The following PPM1B variants were observed in gnomAD, a reference collection of about 807,000 sequenced individuals.
PPM1B encodes protein phosphatase, Mg2+/Mn2+ dependent 1B.
In PPM1B, 22 loss-of-function variants were observed where a neutral mutation model predicts 43.0. The observed-to-expected ratio is 0.51, with a 90% CI of 0.37 to 0.73. The LOEUF is 0.73. PPM1B is among the 30% of genes least tolerant of loss of function. PPM1B has a pLI of 0.00. For synonymous variants in PPM1B, 217 were observed against 197.9 expected (o/e 1.10, Z -0.81); for missense variants, 632 against 584.2 (o/e 1.08, Z -0.84).
At chr2:44,211,938 G>T (rs1669489960) in intron 3 of PPM1B, among the ~76,000 whole-genome samples, 3 of 151,848 alleles carry the variant, frequency 2.0e-5, no homozygotes, top group Admixed American at 2.0e-4. Context: ...TAGTAGAGAG[G>T]GGGTTTCTCC....
Position 44,202,001 on chromosome 2 carries a change from C to A in PPM1B, c.802C>A (p.Leu268Met), listed in dbSNP as rs759842771. The change falls in exon 2 of 6, where the codon CTG (leucine) becomes ATG (methionine). Residue 268 changes from leucine (L) to methionine (M), a missense_variant. Leu to Met is a conservative substitution (Grantham distance 15, BLOSUM62 2). This residue lies in a region of PPM1B where 392 missense variants were observed against 302.7 expected (regional missense o/e 1.29). Coordinates refer to ENST00000282412, the MANE Select transcript of PPM1B (RefSeq NM_002706.6). ...VKSRLEVSDD[L>M]ENVCNWVVDT... ...ATCTAGGCTTGAGGTATCTGATGAC[C>A]TGGAAAATGTGTGCAATTGGGTAGT... is the stretch of plus-strand genomic sequence containing the variant. The A allele has an allele frequency of 1.1e-5, 17 of 1,609,544 alleles. No individual in the cohort carries two copies. Among genetic ancestry groups the A allele is most frequent in the Non-Finnish European group, 1.4e-5 (16 of 1,177,796 alleles).
At chr2:44,238,751 C>T (rs1222589766), downstream of PPM1B, among the ~76,000 whole-genome samples, 1 of 151,516 alleles carries the variant, frequency 6.6e-6, no homozygotes, top group African/African-American at 2.4e-5. Context: ...GCTACATAAA[C>T]ATTCTTAAGT....
intron 1 of PPM1B, among the ~76,000 whole-genome samples, chr2:44,169,628 C>T (rs536036366): frequency 6.6e-6 from 1 of 152,380 alleles, no homozygotes; most frequent in South Asian, 2.1e-4. Context: ...TACCCCAAGC[C>T]TTGGCGCTTC....
At chr2:44,233,740 T>G, downstream of PPM1B, 3 of 985,902 alleles carry the variant, frequency 3.0e-6, no homozygotes, top group Non-Finnish European at 3.6e-6. Context: ...CAGACAGCTT[T>G]CCTGATCATT....
intron 1 of PPM1B, among the ~76,000 whole-genome samples, chr2:44,193,878 A>G (rs537408593): frequency 2.1e-3 from 315 of 152,094 alleles, no homozygotes; most frequent in African/African-American, 7.4e-3. Flanking sequence ...TGTGCCCAGC[A>G]TAAAAAATTT....
intron 1 of PPM1B, among the ~76,000 whole-genome samples, chr2:44,188,393 C>CTTTTT (rs67959948): frequency 1.7e-4 from 16 of 92,304 alleles, no homozygotes; most frequent in South Asian, 3.7e-4. Flanking sequence ...TTCTTTCTTT[C>CTTTTT]TTTTTTTTTT....
At chr2:44,228,046 C>T (rs573250853) in intron 5 of PPM1B, among the ~76,000 whole-genome samples, 24 of 151,282 alleles carry the variant, frequency 1.6e-4, no homozygotes, top group East Asian at 7.8e-4. Context: ...CTCAGCCTCC[C>T]GGAGTAGCTG....
At position 44,171,292 on chromosome 2, in the gene PPM1B, A is replaced by G. The variant is rs141412183; in HGVS notation, c.-15+2018A>G. Among the ~76,000 whole-genome samples, 83 of 152,360 alleles carry G rather than the reference A, an allele frequency of 5.4e-4. 1 individual carries two copies. The highest frequency in any genetic ancestry group is 2.0e-3 in the African/African-American group (83 of 41,582). On this transcript the variant is annotated intron_variant, in intron 1 of 5. Transcript: ENST00000282412. ...TGTTAGTAATTCACCTAATTACTAA[A>G]TTCCTTAAGATTACATCATCTGAAG...
intron 3 of PPM1B, 122 bp downstream of exon 3, chr2:44,209,449 G>T (rs1669352647): frequency 9.5e-7 from 1 of 1,053,716 alleles, no homozygotes; most frequent in Non-Finnish European, 1.3e-6. Flanking sequence ...AAAAAATTTA[G>T]AGAGGGAAAG....
chr2:44,206,117 A>G (rs1417237243), intron 2 of PPM1B, among the ~76,000 whole-genome samples: 1 of 152,252 alleles, frequency 6.6e-6, no homozygotes. Flanking sequence ...ATCTGGTACT[A>G]TGATTATTAA....
rs1553329837 is a variant in PPM1B, at chr2:44,192,190, G to GTTATGGTATTGTATT, written c.-14-8996_-14-8995insTTATGGTATTGTATT. Among the ~76,000 whole-genome samples the GTTATGGTATTGTATT allele has an allele frequency of 4.1e-3, 582 of 143,622 alleles. 1 individual carries two copies. Among genetic ancestry groups the GTTATGGTATTGTATT allele is most frequent in the Non-Finnish European group, 6.1e-3 (404 of 66,378 alleles). 94.2% of individuals were successfully genotyped at this position (143,622 alleles called of 152,430 possible). A position where few individuals can be genotyped will look rare whatever the true frequency, so the allele number is the denominator to read the frequency against. On this transcript the variant is annotated intron_variant, in intron 1 of 5. Coordinates refer to ENST00000282412, the MANE Select transcript of PPM1B (RefSeq NM_002706.6). ...TTTATGTTATGTTATGTTATGTTAT[G>GTTATGGTATTGTATT]GTATTGTATTGTATTGTATTGTATT...
At chr2:44,209,117 TTAAA>T (rs1669329605) in intron 2 of PPM1B, 89 bp from the exon 3 acceptor site, 1 of 1,135,626 alleles carries the variant, frequency 8.8e-7, no homozygotes, top group Non-Finnish European at 1.2e-6. Context: ...TTCTGGATGA[TTAAA>T]TAAACTATAA....
intron 1 of PPM1B, among the ~76,000 whole-genome samples, chr2:44,173,191 A>G (rs1309768859): frequency 6.6e-6 from 1 of 152,208 alleles, no homozygotes; most frequent in East Asian, 1.9e-4. Context: ...AAAAAGACTA[A>G]CAGACCAGAT....
At chr2:44,219,041 A>G (rs1305233030) in intron 5 of PPM1B, 1 of 306,950 alleles carries the variant, frequency 3.3e-6, no homozygotes, top group South Asian at 2.7e-5. Context: ...TTGAGCTGAG[A>G]TAACCATTTC....
chr2:44,233,580 C>T, downstream of PPM1B: 4 of 985,736 alleles, frequency 4.1e-6, no homozygotes, highest in Non-Finnish European at 4.8e-6. Flanking sequence ...TAAACATTTT[C>T]CTGTATGTTT....
chr2:44,233,887 T>G, downstream of PPM1B: 1 of 985,548 alleles, frequency 1.0e-6, no homozygotes, highest in Non-Finnish European at 1.2e-6. Flanking sequence ...CTTTACTGGG[T>G]TTGGGGGGTT....
intron 1 of PPM1B, among the ~76,000 whole-genome samples, chr2:44,192,108 T>C (rs1434457253): frequency 6.6e-6 from 1 of 151,920 alleles, no homozygotes; most frequent in Non-Finnish European, 1.5e-5. Flanking sequence ...TTTTTTTTTT[T>C]CAGTTTGATT....
intron 5 of PPM1B, chr2:44,218,816 CCTT>C (rs1669844168): frequency 2.2e-6 from 1 of 457,398 alleles, no homozygotes; most frequent in Non-Finnish European, 4.2e-6. Flanking sequence ...GTCTGCTTTT[CCTT>C]CTTCTCCTTT....
chr2:44,188,320 T>C (rs1668225243), intron 1 of PPM1B, among the ~76,000 whole-genome samples: 1 of 152,156 alleles, frequency 6.6e-6, no homozygotes, highest in Admixed American at 6.5e-5. Flanking sequence ...AAGTCTTCTT[T>C]GATTTAGTTT....
Sources: gnomAD v4.1 joint callset for allele counts (sites outside exome capture counted in the v4.1 genomes callset) on GRCh38, gnomAD v4.1.1 for gene constraint, gnomAD v4.1.1 regional missense constraint, MANE v1.5 for transcripts, NCBI Gene and HGNC (gene_info 2026-07-23, HGNC 2026-07-21) for gene names.